Variants in PCCB observed in about 807,000 individuals in gnomAD.
PCCB encodes propionyl-CoA carboxylase subunit beta.
In PCCB, 43 loss-of-function variants were observed where a neutral mutation model predicts 60.7. The ratio of observed to expected loss-of-function variants is 0.71; its 90% CI spans 0.55 to 0.91. The LOEUF (loss-of-function observed/expected upper bound fraction) is 0.91. Among genes scored for constraint, PCCB ranks in the 40% least tolerant of loss-of-function variants. The pLI is 0.00. For missense variants in PCCB, 766 were observed against 702.8 expected (o/e 1.09, Z -1.02); for synonymous variants, 276 against 255.9 (o/e 1.08, Z -0.75).
At chr3:136,263,874 T>C (rs914677300) in intron 5 of PCCB, among the ~76,000 whole-genome samples, 57 of 152,050 alleles carry the variant, frequency 3.7e-4, no homozygotes, top group African/African-American at 1.4e-3. Context: ...TAGCTGGGCA[T>C]GGTGGCACAT....
Position 136,250,572 on chromosome 3 carries a change from G to C in PCCB, c.183+14G>C, listed in dbSNP as rs1184082745. The C allele has an allele frequency of 6.2e-7, 1 of 1,601,628 alleles. No individual in the cohort carries two copies. The highest frequency in any genetic ancestry group is 1.1e-5 in the South Asian group (1 of 90,264). On this transcript the variant is annotated intron_variant, in intron 1 of 14. Coordinates refer to ENST00000251654, the MANE Select transcript of PCCB (RefSeq NM_000532.5). Reference sequence around the variant, plus strand: ...CAGCACAAGCGAGTGAGTCCTGAGGGGCCTAAGTGAGTCCCGCCCCTGGCG... The same window carrying C: ...CAGCACAAGCGAGTGAGTCCTGAGGCGCCTAAGTGAGTCCCGCCCCTGGCG...
intron 6 of PCCB, among the ~76,000 whole-genome samples, chr3:136,289,073 G>A (rs1393700239): frequency 6.6e-6 from 1 of 152,056 alleles, no homozygotes; most frequent in Non-Finnish European, 1.5e-5. Context: ...GTCATAGGCT[G>A]GTCTTAACCC....
At chr3:136,292,904 T>C (rs962635950) in intron 6 of PCCB, among the ~76,000 whole-genome samples, 14 of 152,314 alleles carry the variant, frequency 9.2e-5, no homozygotes, top group African/African-American at 3.4e-4. Context: ...CCACTGTATC[T>C]CCTGTTCCTC....
rs2108161513 is a variant in PCCB at position 136,269,976 on chromosome 3, G to T, written c.543+7911G>T. Among the ~76,000 whole-genome samples, 4 of 147,532 alleles carry T rather than the reference G, an allele frequency of 2.7e-5. No homozygotes were observed. The South Asian group carries it at 8.5e-4, about 31-fold the overall frequency. ...GCATTCATTCTTCACCATTAAGCAT[G>T]ATGTTAACTGGTGTGTGTTTTTTTT... On this transcript the variant is annotated intron_variant, in intron 5 of 14. Transcript: ENST00000251654.
chr3:136,269,310 T>G (rs920920419), intron 5 of PCCB, among the ~76,000 whole-genome samples: 1 of 152,192 alleles, frequency 6.6e-6, no homozygotes, highest in African/African-American at 2.4e-5. Context: ...AATGGAATTA[T>G]CTTGTTAATT....
At chr3:136,252,228 C>T (rs918092345) in intron 1 of PCCB, 2 of 453,520 alleles carry the variant, frequency 4.4e-6, no homozygotes, top group Non-Finnish European at 8.9e-6. Flanking sequence ...TAGATTTTCC[C>T]AGAAGAGGAA....
At chr3:136,268,065 C>G (rs11715586) in intron 5 of PCCB, among the ~76,000 whole-genome samples, 1 of 78,434 alleles carries the variant, frequency 1.3e-5, no homozygotes, top group African/African-American at 6.6e-5. Flanking sequence ...TGTGTGTGTG[C>G]GTGTGTGTGT....
chr3:136,253,015 G>C (rs141483983), intron 1 of PCCB, among the ~76,000 whole-genome samples: 3 of 150,148 alleles, frequency 2.0e-5, no homozygotes, highest in African/African-American at 4.9e-5. Flanking sequence ...TTTCGGGGAG[G>C]GGGGGATAGG....
chr3:136,304,809 A>T (rs1448189478), intron 9 of PCCB, among the ~76,000 whole-genome samples: 1 of 118,844 alleles, frequency 8.4e-6, no homozygotes, highest in African/African-American at 2.6e-5. Flanking sequence ...CTCCTGCCTC[A>T]ACCTCCTGAA....
At position 136,264,448 on chromosome 3, in the gene PCCB, G is replaced by GTGTATATATATA. The variant is rs1015530159; in HGVS notation, c.543+2384_543+2385insGTATATATATAT. On this transcript the variant is annotated intron_variant, in intron 5 of 14. Transcript: ENST00000251654. ...CATATATATGTGTGTGTGTATATAT[G>GTGTATATATATA]TATATATATATATGTTCCTCCTGGC... Among the ~76,000 whole-genome samples, 69 of 107,286 alleles carry GTGTATATATATA rather than the reference G, an allele frequency of 6.4e-4. 4 individuals are homozygous for GTGTATATATATA. The highest frequency in any genetic ancestry group is 4.6e-4 in the Non-Finnish European group (20 of 43,198). The allele number at this position is 107,286 out of a possible 152,430, so 70.4% of individuals were successfully genotyped here. A position where few individuals can be genotyped will look rare whatever the true frequency, so the allele number is the denominator to read the frequency against.
intron 10 of PCCB, among the ~76,000 whole-genome samples, chr3:136,322,218 C>G (rs532781249): frequency 3.3e-5 from 5 of 152,210 alleles, no homozygotes; most frequent in Admixed American, 3.3e-4. Context: ...TTCATATGAT[C>G]ATGTGATTTT....
At chr3:136,284,236 A>T (rs1274663323) in intron 6 of PCCB, among the ~76,000 whole-genome samples, 1 of 152,244 alleles carries the variant, frequency 6.6e-6, no homozygotes, top group Non-Finnish European at 1.5e-5. Flanking sequence ...TTGACCAGAT[A>T]GATGACTGTT....
At chr3:136,298,852 T>C (rs898157260) in intron 8 of PCCB, among the ~76,000 whole-genome samples, 13 of 152,342 alleles carry the variant, frequency 8.5e-5, no homozygotes, top group African/African-American at 2.9e-4. Flanking sequence ...GAAGAGGTCA[T>C]TTTCAGATGC....
chr3:136,318,014 T>C lies in PCCB; in HGVS notation c.1090+950T>C, dbSNP rs536846754. 2.6e-5 allele frequency among the ~76,000 whole-genome samples: 4 copies of C among 152,332 alleles called. No individual in the cohort carries two copies. In the South Asian group the frequency reaches 6.2e-4, roughly 24 times the overall value. ...TTCTTCATGACCTAACCTCATCTTA[T>C]TTCTGCCATGGAAATTTTTTATTGT... On this transcript the variant is annotated intron_variant, in intron 10 of 14. Coordinates refer to ENST00000251654, the MANE Select transcript of PCCB (RefSeq NM_000532.5).
At chr3:136,319,704 T>G (rs1283488465) in intron 10 of PCCB, among the ~76,000 whole-genome samples, 1 of 152,156 alleles carries the variant, frequency 6.6e-6, no homozygotes, top group East Asian at 1.9e-4. Context: ...GGCTGAAAAG[T>G]TTTTAGTTTT....
intron 5 of PCCB, among the ~76,000 whole-genome samples, chr3:136,274,820 CTTT>C (rs1447470157): frequency 6.6e-6 from 1 of 150,924 alleles, no homozygotes; most frequent in Non-Finnish European, 1.5e-5. Flanking sequence ...TTCATTTCTT[CTTT>C]CTTTTTTTTT....
chr3:136,273,683 C>T (rs1012288879), intron 5 of PCCB, among the ~76,000 whole-genome samples: 6 of 134,700 alleles, frequency 4.5e-5, no homozygotes, highest in Admixed American at 2.5e-4. Flanking sequence ...GAGGCCAAGA[C>T]GGGCGGATCG....
At chr3:136,326,485 G>T in intron 10 of PCCB, 1 of 679,694 alleles carries the variant, frequency 1.5e-6, no homozygotes, top group African/African-American at 1.8e-5. Flanking sequence ...GACTCTCTAA[G>T]ACCAGCCCTT....
At chr3:136,290,211 A>G (rs1395939094) in intron 6 of PCCB, among the ~76,000 whole-genome samples, 1 of 152,198 alleles carries the variant, frequency 6.6e-6, no homozygotes, top group African/African-American at 2.4e-5. Context: ...AGGCAGGTCT[A>G]CTGGCAGGAG....
Sources: gnomAD v4.1 joint callset for allele counts (sites outside exome capture counted in the v4.1 genomes callset) on GRCh38, gnomAD v4.1.1 for gene constraint, MANE v1.5 for transcripts, NCBI Gene and HGNC (gene_info 2026-07-23, HGNC 2026-07-21) for gene names.